Variants in PLD5 observed in about 807,000 individuals in gnomAD.
PLD5 encodes inactive phospholipase D5.
In PLD5, 36 loss-of-function variants were observed where a neutral mutation model predicts 61.1. That is an observed-to-expected ratio of 0.59 (90% confidence interval 0.45 to 0.78). PLD5 has a LOEUF of 0.78. PLD5 is among the 30% of genes least tolerant of loss of function. The pLI is 0.00. For missense variants in PLD5, 515 were observed against 644.4 expected (o/e 0.80, Z 2.17); for synonymous variants, 243 against 242.8 (o/e 1.00, Z -0.01).
At chr1:242,482,977 G>A (rs1268095659) in intron 1 of PLD5, among the ~76,000 whole-genome samples, 2 of 152,162 alleles carry the variant, frequency 1.3e-5, no homozygotes, top group East Asian at 3.8e-4. Flanking sequence ...AAGTGAAGGA[G>A]AAATAAAATA....
At chr1:242,128,927 C>T (rs926965167) in intron 5 of PLD5, among the ~76,000 whole-genome samples, 3 of 152,144 alleles carry the variant, frequency 2.0e-5, no homozygotes, top group Non-Finnish European at 2.9e-5. Context: ...TGGCTCAAAC[C>T]GCATTAGCTA....
At chr1:242,379,721 C>T (rs1662175135) in intron 1 of PLD5, among the ~76,000 whole-genome samples, 1 of 152,152 alleles carries the variant, frequency 6.6e-6, no homozygotes, top group African/African-American at 2.4e-5. Flanking sequence ...AGGTTGACCT[C>T]TTTTATCAGT....
intron 3 of PLD5, among the ~76,000 whole-genome samples, chr1:242,266,181 G>T (rs1673659961): frequency 2.0e-5 from 3 of 152,214 alleles, no homozygotes; most frequent in Admixed American, 2.0e-4. Context: ...TCTGAGACCA[G>T]TCCAGCCTGG....
At chr1:242,157,769 C>A (rs183933271) in intron 5 of PLD5, among the ~76,000 whole-genome samples, 5 of 152,168 alleles carry the variant, frequency 3.3e-5, no homozygotes, top group African/African-American at 1.2e-4. Context: ...TGGGAGGTGT[C>A]TCCCAGTCAG....
intron 2 of PLD5, among the ~76,000 whole-genome samples, chr1:242,320,025 C>T (rs1658282405): frequency 6.6e-6 from 1 of 152,148 alleles, no homozygotes; most frequent in Non-Finnish European, 1.5e-5. Flanking sequence ...AAAGCACAGA[C>T]CACAGATTTT....
intron 5 of PLD5, among the ~76,000 whole-genome samples, chr1:242,208,176 C>T (rs1359588253): frequency 1.3e-5 from 2 of 151,272 alleles, no homozygotes; most frequent in Non-Finnish European, 2.9e-5. Context: ...CACACACCAC[C>T]ACACCCAGCT....
intron 5 of PLD5, among the ~76,000 whole-genome samples, chr1:242,164,961 C>T (rs998026756): frequency 1.3e-5 from 2 of 152,102 alleles, no homozygotes; most frequent in East Asian, 3.8e-4. Context: ...ACTGTTTTCC[C>T]ACCTGCCAGT....
chr1:242,207,850 A>ATT (rs1669473711), intron 5 of PLD5, among the ~76,000 whole-genome samples: 1 of 26,728 alleles, frequency 3.7e-5, no homozygotes, highest in Admixed American at 7.4e-4. Context: ...ATTTATATAT[A>ATT]TTTATATATT....
intron 1 of PLD5, among the ~76,000 whole-genome samples, chr1:242,480,371 C>G (rs569742868): frequency 1.3e-5 from 2 of 152,104 alleles, no homozygotes; most frequent in South Asian, 4.1e-4. Flanking sequence ...AAATGAATTA[C>G]AGACTTCAAT....
At position 242,107,845 on chromosome 1, in the gene PLD5, G is replaced by GA. The variant is rs1661182787; in HGVS notation, c.1071-7dup. 6.3e-7 allele frequency: 1 copy of GA among 1,579,190 alleles called. No homozygotes were observed. Among genetic ancestry groups the GA allele is most frequent in the African/African-American group, 1.4e-5 (1 of 72,872 alleles). On this transcript the variant is annotated splice_polypyrimidine_tract_variant and splice_region_variant and intron_variant, in intron 7 of 9. Transcript: ENST00000536534. ...CCAAGTCTGGCCAGTAAGTCCTGCAGAAATCATATCCAAATAGAAAAAATA... is the reference window on the plus strand; with the variant it reads ...CCAAGTCTGGCCAGTAAGTCCTGCAGAAAATCATATCCAAATAGAAAAAATA...
chr1:242,240,022 C>G (rs912537389), intron 4 of PLD5, among the ~76,000 whole-genome samples: 5 of 152,190 alleles, frequency 3.3e-5, no homozygotes, highest in African/African-American at 1.2e-4. Flanking sequence ...CTGAGTGGCC[C>G]TTAGATTTTC....
At chr1:242,338,685 T>C (rs1311466949) in intron 2 of PLD5, among the ~76,000 whole-genome samples, 1 of 152,194 alleles carries the variant, frequency 6.6e-6, no homozygotes. Flanking sequence ...ACATTATTTT[T>C]AACATAATTT....
chr1:242,399,969 G>A (rs564154698), intron 1 of PLD5, among the ~76,000 whole-genome samples: 6 of 152,270 alleles, frequency 3.9e-5, no homozygotes, highest in Admixed American at 1.3e-4. Context: ...AGGAGTTCAA[G>A]ACCAGCCTGA....
chr1:242,186,083 A>C (rs1040998382), intron 5 of PLD5, among the ~76,000 whole-genome samples: 3 of 152,208 alleles, frequency 2.0e-5, no homozygotes, highest in South Asian at 2.1e-4. Flanking sequence ...TTTTAAATAA[A>C]ATATCAATTC....
At chr1:242,263,219 A>G (rs1318664001) in intron 4 of PLD5, among the ~76,000 whole-genome samples, 2 of 151,786 alleles carry the variant, frequency 1.3e-5, no homozygotes, top group African/African-American at 4.9e-5. Context: ...ATTCTTTTTC[A>G]CAATATATTT....
intron 1 of PLD5, among the ~76,000 whole-genome samples, chr1:242,396,636 G>GA (rs574055861): frequency 1.4e-3 from 208 of 151,106 alleles, no homozygotes; most frequent in African/African-American, 4.9e-3. Flanking sequence ...TCTTTAGTTG[G>GA]AAGCCAGCAT....
chr1:242,102,577 G>A (rs533321978), intron 8 of PLD5, among the ~76,000 whole-genome samples: 2 of 152,298 alleles, frequency 1.3e-5, no homozygotes, highest in South Asian at 4.1e-4. Context: ...CAGGGCTGGA[G>A]GTGGTTGGAG....
At chr1:242,410,934 A>G (rs1664513276) in intron 1 of PLD5, among the ~76,000 whole-genome samples, 1 of 151,598 alleles carries the variant, frequency 6.6e-6, no homozygotes, top group African/African-American at 2.4e-5. Context: ...TTCTGTGCCC[A>G]ATGCTGATTT....
In PLD5 at chr1:242,449,357, T is replaced by C. The variant is rs568272822; in HGVS notation, c.189+74731A>G. The stretch of plus-strand genomic sequence containing the variant: ...AGAAAACTCCAGAGTTTCTTACCAT[T>C]GCGACCAATCTTCCTTCCCTCCCTG... On this transcript the variant is annotated intron_variant, in intron 1 of 9. Coordinates refer to ENST00000536534, the MANE Select transcript of PLD5 (RefSeq NM_001372062.1). The C allele has an allele frequency of 2.4e-4, 373 of 1,536,120 alleles. 1 individual carries two copies. In the African/African-American group the frequency reaches 4.4e-3, roughly 18 times the overall value.
Sources: allele counts gnomAD v4.1 joint callset (sites outside exome capture counted in the v4.1 genomes callset), GRCh38; gene constraint gnomAD v4.1.1; transcripts MANE v1.5; gene names NCBI Gene and HGNC (gene_info 2026-07-23, HGNC 2026-07-21).